PDE1A: variants seen among roughly 807,000 people sequenced by gnomAD.
PDE1A encodes phosphodiesterase 1A, also known as dual specificity calcium/calmodulin-dependent 3',5'-cyclic nucleotide phosphodiesterase 1A.
PDE1A carries 35 observed loss-of-function variants against 61.7 expected under a neutral mutation model. That is an observed-to-expected ratio of 0.57 (90% CI 0.43 to 0.75). The LOEUF is 0.75. PDE1A is among the 30% of genes least tolerant of loss of function. The pLI is 0.00. For missense variants in PDE1A, 597 were observed against 630.6 expected (o/e 0.95, Z 0.57); for synonymous variants, 232 against 213.2 (o/e 1.09, Z -0.77).
At chr2:182,245,504 ACCTT>A (rs915494155) in intron 2 of PDE1A, among the ~76,000 whole-genome samples, 1 of 151,792 alleles carries the variant, frequency 6.6e-6, no homozygotes, top group East Asian at 1.9e-4. Context: ...CATCTATTCA[ACCTT>A]CCTTCCTTCC....
At chr2:182,322,686 C>G (rs751544860) in intron 1 of PDE1A, among the ~76,000 whole-genome samples, 60 of 152,046 alleles carry the variant, frequency 3.9e-4, no homozygotes, top group Non-Finnish European at 7.8e-4. Flanking sequence ...TGTGATTCAC[C>G]AATAGTTTTT....
At chr2:182,546,594 G>A in the PDE1A span, among the ~76,000 whole-genome samples, 23 of 152,186 alleles carry the variant, frequency 1.5e-4, no homozygotes, top group African/African-American at 3.9e-4. Context: ...ATCACCACCC[G>A]TGAGGAGTGG....
At chr2:182,467,692 T>C (rs181898827) in intron 2 of PDE1A, among the ~76,000 whole-genome samples, 1 of 152,064 alleles carries the variant, frequency 6.6e-6, no homozygotes, top group Non-Finnish European at 1.5e-5. Context: ...AAAAGGATTA[T>C]ATATCATTAC....
At chr2:182,407,801 T>G (rs1702385723) in intron 1 of PDE1A, among the ~76,000 whole-genome samples, 1 of 152,186 alleles carries the variant, frequency 6.6e-6, no homozygotes, top group Non-Finnish European at 1.5e-5. Flanking sequence ...GTTGGGAGAC[T>G]AGCCAATAAT....
the PDE1A span, among the ~76,000 whole-genome samples, chr2:182,576,354 A>C: frequency 6.6e-6 from 1 of 152,158 alleles, no homozygotes; most frequent in Admixed American, 6.5e-5. Context: ...ACTTAGCAAA[A>C]TGTTCTCAAG....
the PDE1A span, among the ~76,000 whole-genome samples, chr2:182,540,366 GAAA>G: frequency 5.5e-5 from 6 of 108,392 alleles, no homozygotes; most frequent in Non-Finnish European, 3.5e-5. Context: ...CTGTCTCAAA[GAAA>G]AAAAAAAAAA....
At chr2:182,550,503 G>A in the PDE1A span, among the ~76,000 whole-genome samples, 1 of 151,992 alleles carries the variant, frequency 6.6e-6, no homozygotes, top group African/African-American at 2.4e-5. Context: ...CTGAAATACT[G>A]GTAAAGCAAG....
At chr2:182,529,583 G>T in the PDE1A span, among the ~76,000 whole-genome samples, 1 of 152,164 alleles carries the variant, frequency 6.6e-6, no homozygotes, top group Non-Finnish European at 1.5e-5. Context: ...TGAAAAGTGA[G>T]ACCACGAGGT....
chr2:182,411,270 A>G (rs892050719), intron 1 of PDE1A, among the ~76,000 whole-genome samples: 7 of 152,190 alleles, frequency 4.6e-5, no homozygotes, highest in African/African-American at 1.4e-4. Flanking sequence ...GGAATCACAC[A>G]ATATATTTTT....
chr2:182,606,441 G>C, the PDE1A span, among the ~76,000 whole-genome samples: 2 of 152,160 alleles, frequency 1.3e-5, no homozygotes, highest in African/African-American at 4.8e-5. Flanking sequence ...GCCTCCCAAA[G>C]TGCTGGGATT....
chr2:182,158,000 A>G (rs975309334), intron 13 of PDE1A, among the ~76,000 whole-genome samples: 1 of 152,212 alleles, frequency 6.6e-6, no homozygotes, highest in African/African-American at 2.4e-5. Context: ...GGCTTCTTAC[A>G]AAAGTCTTTC....
intron 1 of PDE1A, among the ~76,000 whole-genome samples, chr2:182,335,433 A>T (rs760226285): frequency 6.6e-6 from 1 of 152,204 alleles, no homozygotes; most frequent in Non-Finnish European, 1.5e-5. Flanking sequence ...AGACCAATGG[A>T]ACAGAACAGA....
chr2:182,305,097 A>C (rs1459280569), intron 1 of PDE1A, among the ~76,000 whole-genome samples: 1 of 152,100 alleles, frequency 6.6e-6, no homozygotes, highest in Non-Finnish European at 1.5e-5. Context: ...TGAATTAATA[A>C]CACTTGCCTA....
At chr2:182,677,757 A>G in the PDE1A span, among the ~76,000 whole-genome samples, 1 of 152,214 alleles carries the variant, frequency 6.6e-6, no homozygotes, top group African/African-American at 2.4e-5. Flanking sequence ...GCTGACGAAA[A>G]CAAGCAATGG....
chr2:182,187,607 C>T (rs1377162688), intron 11 of PDE1A, among the ~76,000 whole-genome samples: 2 of 151,966 alleles, frequency 1.3e-5, no homozygotes, highest in African/African-American at 2.4e-5. Context: ...AACTGGATTA[C>T]TTATAGTATA....
At chr2:182,604,539 G>A in the PDE1A span, among the ~76,000 whole-genome samples, 1 of 152,156 alleles carries the variant, frequency 6.6e-6, no homozygotes, top group Non-Finnish European at 1.5e-5. Flanking sequence ...CCAAGGATAT[G>A]GAGAATACAG....
chr2:182,661,682 C>T, the PDE1A span, among the ~76,000 whole-genome samples: 1 of 152,074 alleles, frequency 6.6e-6, no homozygotes, highest in African/African-American at 2.4e-5. Context: ...CTACAAGAAA[C>T]TATAGACAAA....
the PDE1A span, among the ~76,000 whole-genome samples, chr2:182,609,142 G>A: frequency 6.6e-6 from 1 of 152,136 alleles, no homozygotes. Flanking sequence ...TCTAGTTCAG[G>A]GTTTGTAAAT....
chr2:182,445,048 G>A (rs1041164631), intron 2 of PDE1A, among the ~76,000 whole-genome samples: 1 of 152,214 alleles, frequency 6.6e-6, no homozygotes, highest in East Asian at 1.9e-4. Context: ...CTATAATTAT[G>A]TTTGGAAATG....
Sources: gnomAD v4.1 joint callset for allele counts (sites outside exome capture counted in the v4.1 genomes callset) on GRCh38, gnomAD v4.1.1 for gene constraint, MANE v1.5 for transcripts, NCBI Gene and HGNC (gene_info 2026-07-23, HGNC 2026-07-21) for gene names.